The following TMEM232 variants were observed in gnomAD, a reference collection of about 807,000 sequenced individuals.
TMEM232 encodes the protein transmembrane protein 232.
A neutral mutation model predicts 78.8 loss-of-function variants in TMEM232; 80 were observed. The ratio of observed to expected loss-of-function variants is 1.01; its 90% CI spans 0.85 to 1.22. The LOEUF (loss-of-function observed/expected upper bound fraction) is 1.22, where lower values mean the gene tolerates loss of function less well. Among genes scored for constraint, TMEM232 ranks in the 50% most tolerant of loss-of-function variants. The pLI is 0.00. For synonymous variants in TMEM232, 297 were observed against 254.3 expected, an observed-to-expected ratio of 1.17 and a Z score of -1.60; for missense variants, 881 against 742.2, an observed-to-expected ratio of 1.19 and a Z score of -2.17.
intron 12 of TMEM232, among the ~76,000 whole-genome samples, chr5:110,465,811 C>A (rs1277993562): frequency 2.6e-5 from 4 of 152,098 alleles, no homozygotes; most frequent in Non-Finnish European, 5.9e-5. Flanking sequence ...ACTCACCACT[C>A]CCAATTGGTT....
chr5:110,600,803 A>G (rs999422699), intron 10 of TMEM232, among the ~76,000 whole-genome samples: 2 of 152,126 alleles, frequency 1.3e-5, no homozygotes, highest in Non-Finnish European at 2.9e-5. Flanking sequence ...CCTCCCTAAC[A>G]TATTTTATGA....
At chr5:110,708,961 C>T (rs1796208691) in intron 1 of TMEM232, among the ~76,000 whole-genome samples, 1 of 151,884 alleles carries the variant, frequency 6.6e-6, no homozygotes, top group South Asian at 2.1e-4. Flanking sequence ...AAAAACAAGA[C>T]CTAATGATCT....
intron 1 of TMEM232, among the ~76,000 whole-genome samples, chr5:110,704,434 G>C (rs1795724659): frequency 6.6e-6 from 1 of 152,050 alleles, no homozygotes; most frequent in Admixed American, 6.6e-5. Context: ...GAAAGTAGAT[G>C]ACATCTGAGT....
At chr5:110,430,038 A>C (rs971021638) in intron 12 of TMEM232, 1 of 151,710 alleles carries the variant, frequency 6.6e-6, no homozygotes, top group Non-Finnish European at 1.5e-5. Flanking sequence ...CTTTTAGAAG[A>C]GAATGATAGT....
chr5:110,532,429 C>A (rs1428781395), intron 11 of TMEM232, among the ~76,000 whole-genome samples: 2 of 151,788 alleles, frequency 1.3e-5, no homozygotes, highest in Non-Finnish European at 2.9e-5. Context: ...GGAGGCTACC[C>A]ACTCCACATT....
chr5:110,698,927 G>A (rs1358021890), intron 1 of TMEM232, among the ~76,000 whole-genome samples: 1 of 151,996 alleles, frequency 6.6e-6, no homozygotes, highest in Non-Finnish European at 1.5e-5. Flanking sequence ...CCAAAGTTAT[G>A]AGACATTTGC....
intron 12 of TMEM232, among the ~76,000 whole-genome samples, chr5:110,472,342 G>A (rs1483818214): frequency 2.0e-5 from 3 of 151,808 alleles, no homozygotes; most frequent in Admixed American, 6.6e-5. Context: ...AACTAAGGAG[G>A]TAAAAAATCT....
chr5:110,653,493 G>A (rs1381118284), intron 2 of TMEM232, among the ~76,000 whole-genome samples: 1 of 152,160 alleles, frequency 6.6e-6, no homozygotes, highest in Non-Finnish European at 1.5e-5. Flanking sequence ...AGCCTTGGCA[G>A]GAACTCGAAA....
chr5:110,475,823 A>T (rs1294107144), intron 12 of TMEM232, among the ~76,000 whole-genome samples: 1 of 151,808 alleles, frequency 6.6e-6, no homozygotes, highest in Non-Finnish European at 1.5e-5. Flanking sequence ...AGAACCACTA[A>T]AAAAAAGTAC....
chr5:110,500,974 A>C (rs1766204214), intron 12 of TMEM232, among the ~76,000 whole-genome samples: 1 of 152,238 alleles, frequency 6.6e-6, no homozygotes, highest in Non-Finnish European at 1.5e-5. Flanking sequence ...GTCAAAATGC[A>C]AGATACAAAA....
chr5:110,619,263 A>G (rs1783339673), intron 7 of TMEM232, among the ~76,000 whole-genome samples: 2 of 152,202 alleles, frequency 1.3e-5, no homozygotes, highest in Admixed American at 6.5e-5. Context: ...TGAAACACTT[A>G]GAATCTAAAG....
rs1756489438 is a variant in TMEM232 at position 110,420,095 on chromosome 5, T to C, written c.*485A>G. ...TGTTTGGTTTGGTATAAATTGACTA[T>C]AAAATGCCAATCAAATAAGATGCCA... On this transcript the variant is annotated 3_prime_UTR_variant, in exon 14 of 14. Coordinates refer to ENST00000455884, the MANE Select transcript of TMEM232 (RefSeq NM_001039763.4). 6.6e-6 allele frequency: 1 copy of C among 152,370 alleles called. No individual in the cohort carries two copies. Among genetic ancestry groups the C allele is most frequent in the South Asian group, 2.1e-4 (1 of 4,842 alleles). 9.4% of individuals were successfully genotyped at this position (152,370 alleles called of 1,614,324 possible).
At chr5:110,646,240 A>G (rs1289344073) in intron 2 of TMEM232, among the ~76,000 whole-genome samples, 1 of 151,798 alleles carries the variant, frequency 6.6e-6, no homozygotes, top group Non-Finnish European at 1.5e-5. Flanking sequence ...TAACATTCAT[A>G]TGGAACTACA....
At chr5:110,583,198 A>C (rs190550746) in intron 10 of TMEM232, among the ~76,000 whole-genome samples, 3 of 152,132 alleles carry the variant, frequency 2.0e-5, no homozygotes. Context: ...AGCCAAAACA[A>C]TCTTGAAAAA....
chr5:110,474,285 A>G (rs1036188212), intron 12 of TMEM232, among the ~76,000 whole-genome samples: 1 of 152,000 alleles, frequency 6.6e-6, no homozygotes, highest in Non-Finnish European at 1.5e-5. Flanking sequence ...AATTAAAAAT[A>G]CAATGAAACT....
rs1404354481 is a variant in TMEM232, at chr5:110,568,537, A to G, written c.1365T>C (p.Asp455=). The G allele has an allele frequency of 1.4e-5, 21 of 1,549,392 alleles. No homozygotes were observed. The highest frequency in any genetic ancestry group is 1.8e-5 in the Non-Finnish European group (21 of 1,145,748). Residue 455 remains aspartate, a synonymous_variant, in exon 11 of 14, where the codon GAT becomes GAC. Coordinates refer to ENST00000455884, the MANE Select transcript of TMEM232 (RefSeq NM_001039763.4). ...TTTGCCATATCATGTTTCTAAGTCC[A>G]TCCTGTTCTTCGTCTCCTTGAAGTT... ...SWELQGDEEQ[D]GLRNMIWQTL...
At chr5:110,565,350 A>G (rs1240155302) in intron 11 of TMEM232, among the ~76,000 whole-genome samples, 2 of 151,914 alleles carry the variant, frequency 1.3e-5, no homozygotes, top group Non-Finnish European at 2.9e-5. Context: ...CCATTTTCAG[A>G]GAAGGAAACT....
chr5:110,580,612 A>G (rs1778092983), intron 10 of TMEM232, among the ~76,000 whole-genome samples: 2 of 151,750 alleles, frequency 1.3e-5, no homozygotes, highest in African/African-American at 4.8e-5. Context: ...TAATAGTAGG[A>G]AATTTCAATA....
chr5:110,621,239 AATG>A (rs1213555409), intron 7 of TMEM232, among the ~76,000 whole-genome samples: 2 of 152,134 alleles, frequency 1.3e-5, no homozygotes, highest in Non-Finnish European at 2.9e-5. Flanking sequence ...GAATTAATGT[AATG>A]ATGATGACTA....
Sources: allele counts gnomAD v4.1 joint callset (sites outside exome capture counted in the v4.1 genomes callset), GRCh38; gene constraint gnomAD v4.1.1; transcripts MANE v1.5; gene names NCBI Gene and HGNC (gene_info 2026-07-23, HGNC 2026-07-21).